Variants in EYS observed in about 807,000 individuals in gnomAD.
EYS encodes EGF-like photoreceptor maintenance factor.
A neutral mutation model predicts 282.1 loss-of-function variants in EYS; 250 were observed. The ratio of observed to expected loss-of-function variants is 0.89; its 90% CI spans 0.80 to 0.98. The LOEUF (loss-of-function observed/expected upper bound fraction) is 0.98. EYS is among the 50% of genes least tolerant of loss of function. The pLI is 0.00. For synonymous variants in EYS, 1,355 were observed against 1,282.9 expected, an observed-to-expected ratio of 1.06 and a Z score of -1.20; for missense variants, 4,016 against 3,709.0, an observed-to-expected ratio of 1.08 and a Z score of -2.15.
intron 22 of EYS, among the ~76,000 whole-genome samples, chr6:64,696,702 T>G (rs13206911): frequency 6.6e-6 from 1 of 152,018 alleles, no homozygotes; most frequent in Non-Finnish European, 1.5e-5. Context: ...ATTTTCAAAG[T>G]GCTTAAAGAA....
chr6:65,576,731 G>A (rs780268907), intron 2 of EYS, among the ~76,000 whole-genome samples: 38 of 151,472 alleles, frequency 2.5e-4, no homozygotes, highest in Admixed American at 1.2e-3. Context: ...GTAAAGCTTC[G>A]GGATACAAAA....
intron 26 of EYS, among the ~76,000 whole-genome samples, chr6:64,440,669 A>T (rs1774909887): frequency 6.6e-6 from 1 of 152,140 alleles, no homozygotes; most frequent in African/African-American, 2.4e-5. Flanking sequence ...TTAAACAACA[A>T]GAAATTGTTT....
intron 29 of EYS, among the ~76,000 whole-genome samples, chr6:64,359,215 G>C (rs1771927423): frequency 6.6e-6 from 1 of 151,598 alleles, no homozygotes; most frequent in Non-Finnish European, 1.5e-5. Flanking sequence ...AAATAGAAAA[G>C]ATAATATAAG....
chr6:64,261,272 A>G (rs1767578172), intron 30 of EYS, among the ~76,000 whole-genome samples: 1 of 152,108 alleles, frequency 6.6e-6, no homozygotes, highest in African/African-American at 2.4e-5. Context: ...AACCAAAGCA[A>G]TGATGGACAA....
chr6:65,407,648 AG>A (rs1582252798), intron 5 of EYS, among the ~76,000 whole-genome samples: 1 of 151,988 alleles, frequency 6.6e-6, no homozygotes, highest in Non-Finnish European at 1.5e-5. Context: ...TAGTGCTAGT[AG>A]TTCTTTGGGG....
chr6:65,220,022 T>C (rs1000800787), intron 12 of EYS, among the ~76,000 whole-genome samples: 2 of 152,092 alleles, frequency 1.3e-5, no homozygotes, highest in African/African-American at 4.8e-5. Flanking sequence ...AGGCAAACCA[T>C]ATCAATAATT....
intron 2 of EYS, among the ~76,000 whole-genome samples, chr6:65,540,976 G>T (rs1175956087): frequency 9.9e-5 from 15 of 151,986 alleles, no homozygotes. Context: ...ACTGACATAA[G>T]TATCACAATT....
chr6:64,420,411 G>T (rs1283258501), intron 28 of EYS, among the ~76,000 whole-genome samples: 1 of 152,146 alleles, frequency 6.6e-6, no homozygotes, highest in African/African-American at 2.4e-5. Context: ...TTGTCTTGGT[G>T]ATTAACATTC....
intron 35 of EYS, among the ~76,000 whole-genome samples, chr6:63,963,936 A>G (rs1005948114): frequency 8.5e-5 from 13 of 152,158 alleles, no homozygotes; most frequent in Non-Finnish European, 1.6e-4. Flanking sequence ...AGGAATTTTC[A>G]AACACTTATC....
At chr6:65,428,085 A>G (rs557531129) in intron 5 of EYS, among the ~76,000 whole-genome samples, 1 of 152,240 alleles carries the variant, frequency 6.6e-6, no homozygotes, top group East Asian at 1.9e-4. Flanking sequence ...AATGATATCA[A>G]CTACTGCTGG....
At chr6:64,060,699 T>C (rs763220445) in intron 33 of EYS, among the ~76,000 whole-genome samples, 8 of 152,184 alleles carry the variant, frequency 5.3e-5, no homozygotes, top group Non-Finnish European at 1.2e-4. Flanking sequence ...CCCATAGACA[T>C]GGAGACGTCA....
rs751321096 is a variant in EYS at position 64,591,953 on chromosome 6, A to G, written c.3914T>C (p.Leu1305Pro). 6.6e-7 allele frequency: 1 copy of G among 1,520,812 alleles called. No individual in the cohort carries two copies. Among genetic ancestry groups the G allele is most frequent in the South Asian group, 1.3e-5 (1 of 79,588 alleles). 94.2% of individuals were successfully genotyped at this position (1,520,812 alleles called of 1,614,324 possible). A position where few individuals can be genotyped will look rare whatever the true frequency, so the allele number is the denominator to read the frequency against. The change falls in exon 26 of 43, where the codon CTC becomes CCC. Residue 1305 changes from leucine (L) to proline (P), a missense_variant. Leu to Pro is a moderately conservative substitution (Grantham distance 98). Coordinates refer to ENST00000503581, the MANE Select transcript of EYS (RefSeq NM_001142800.2). ...KQTGIVKHDI[L>P]PTTGLATLRI... ...TAATGTTGCCAAACCAGTGGTTGGG[A>G]GAATGTCGTGCTTGACAATGCCTGT...
chr6:64,598,353 C>CG (rs1766654904), intron 24 of EYS, among the ~76,000 whole-genome samples: 1 of 152,044 alleles, frequency 6.6e-6, no homozygotes, highest in African/African-American at 2.4e-5. Flanking sequence ...CCCAGCTACT[C>CG]GGGAGGCTGA....
chr6:65,393,232 T>G (rs1472107809), intron 7 of EYS, among the ~76,000 whole-genome samples: 1 of 151,874 alleles, frequency 6.6e-6, no homozygotes, highest in Non-Finnish European at 1.5e-5. Context: ...AGATGATGAG[T>G]TAGTGGGTGC....
intron 22 of EYS, among the ~76,000 whole-genome samples, chr6:64,708,208 T>C (rs1352960770): frequency 6.6e-6 from 1 of 152,202 alleles, no homozygotes; most frequent in African/African-American, 2.4e-5. Flanking sequence ...GCTTAAATAA[T>C]TGGTTGGTTT....
chr6:65,169,605 C>T (rs1469879817), intron 12 of EYS, among the ~76,000 whole-genome samples: 1 of 151,208 alleles, frequency 6.6e-6, no homozygotes, highest in African/African-American at 2.4e-5. Context: ...AGAGTTAAAA[C>T]AATTATTTAA....
intron 13 of EYS, among the ~76,000 whole-genome samples, chr6:65,018,631 A>G (rs1772137254): frequency 6.6e-6 from 1 of 152,118 alleles, no homozygotes. Context: ...ATCAAATACA[A>G]TGTGTTTTGA....
chr6:65,259,295 C>T (rs1296700902), intron 12 of EYS, among the ~76,000 whole-genome samples: 5 of 151,972 alleles, frequency 3.3e-5, no homozygotes, highest in African/African-American at 1.2e-4. Flanking sequence ...TTGCAATAAA[C>T]TGAAACAGCT....
chr6:63,739,798 A>G (rs941509525), intron 41 of EYS, among the ~76,000 whole-genome samples: 4 of 151,708 alleles, frequency 2.6e-5, no homozygotes, highest in African/African-American at 7.3e-5. Context: ...CGTTCAAGCA[A>G]TTCTCCTGCC....
Sources: gnomAD v4.1 joint callset for allele counts (sites outside exome capture counted in the v4.1 genomes callset) on GRCh38, gnomAD v4.1.1 for gene constraint, MANE v1.5 for transcripts, NCBI Gene and HGNC (gene_info 2026-07-23, HGNC 2026-07-21) for gene names.